Variants in GLIS1 observed in about 807,000 individuals in gnomAD.
GLIS1 encodes the protein zinc finger protein GLIS1.
Under a neutral mutation model 63.8 loss-of-function variants are expected in GLIS1, and 24 were observed. The observed-to-expected ratio is 0.38, with a 90% CI of 0.27 to 0.53. The LOEUF (loss-of-function observed/expected upper bound fraction) is 0.53, where lower values mean the gene tolerates loss of function less well. GLIS1 is among the 20% of genes least tolerant of loss of function. The pLI is 0.85. For synonymous variants in GLIS1, 450 were observed against 482.5 expected (o/e 0.93, Z 0.88); for missense variants, 1,036 against 1,074.1 (o/e 0.96, Z 0.50).
chr1:53,658,979 C>A (rs1237155878), intron 2 of GLIS1, among the ~76,000 whole-genome samples: 1 of 152,158 alleles, frequency 6.6e-6, no homozygotes, highest in Non-Finnish European at 1.5e-5. Flanking sequence ...GGTAGCAATG[C>A]CCTGGCCGCA....
chr1:53,632,062 C>A (rs369053876), intron 2 of GLIS1, among the ~76,000 whole-genome samples: 2 of 131,680 alleles, frequency 1.5e-5, no homozygotes, highest in East Asian at 2.4e-4. Context: ...AATGAGTGTG[C>A]GGGATGTGTG....
intron 4 of GLIS1, among the ~76,000 whole-genome samples, chr1:53,557,331 A>G (rs1259359622): frequency 6.6e-6 from 1 of 152,080 alleles, no homozygotes; most frequent in Admixed American, 6.5e-5. Context: ...TTTTGCAGAT[A>G]AAGAAACTGA....
At chr1:53,561,741 T>A (rs770368530) in intron 4 of GLIS1, among the ~76,000 whole-genome samples, 11 of 152,136 alleles carry the variant, frequency 7.2e-5, no homozygotes, top group Non-Finnish European at 1.3e-4. Flanking sequence ...TGGAGAGTCA[T>A]CCCGAGGTGT....
At position 53,511,501 on chromosome 1, in the gene GLIS1, G is replaced by A. The variant is rs1057348357; in HGVS notation, c.1884-1474C>T. Among the ~76,000 whole-genome samples the A allele has an allele frequency of 3.3e-5, 5 of 152,136 alleles. No homozygotes were observed. In the South Asian group the frequency reaches 6.2e-4, roughly 19 times the overall value. On this transcript the variant is annotated intron_variant, in intron 8 of 10. Transcript: ENST00000628545. This position sits in a 1 kb window ranked among gnomAD's most constrained non-coding sequence, Gnocchi z 4.2. ...CATCATCCACACGTGTGGGGCCCCC[G>A]TCACTGTGAGCTCGCTGAGGACAGG... is the stretch of plus-strand genomic sequence containing the variant.
chr1:53,705,282 G>A (rs1280107298), intron 2 of GLIS1, among the ~76,000 whole-genome samples: 1 of 152,178 alleles, frequency 6.6e-6, no homozygotes, highest in Non-Finnish European at 1.5e-5. Context: ...GATACAGCCA[G>A]AGGGTAACTT....
chr1:53,696,926 T>A (rs1449385250), intron 2 of GLIS1, among the ~76,000 whole-genome samples: 2 of 152,132 alleles, frequency 1.3e-5, no homozygotes, highest in African/African-American at 4.8e-5. Flanking sequence ...GCCACATGAG[T>A]CTGGGCACAG....
intron 7 of GLIS1, 47 bp downstream of exon 7, chr1:53,520,586 AG>A (rs1557428731): frequency 2.0e-6 from 3 of 1,536,142 alleles, no homozygotes; most frequent in East Asian, 4.7e-5. Flanking sequence ...GGGCAGAGAA[AG>A]GCCCCTCCTG....
chr1:53,594,019 A>G (rs1645220219), intron 4 of GLIS1, 89 bp downstream of exon 4: 1 of 1,408,450 alleles, frequency 7.1e-7, no homozygotes, highest in South Asian at 1.4e-5. Context: ...CAGAGGACGG[A>G]GTCCCAGGCG....
chr1:53,689,056 G>T (rs753739334), intron 2 of GLIS1, among the ~76,000 whole-genome samples: 6 of 152,224 alleles, frequency 3.9e-5, no homozygotes, highest in Non-Finnish European at 8.8e-5. Context: ...CTTTGTGGAT[G>T]GCTGAGCACA....
At chr1:53,516,031 C>T (rs1052575178) in intron 7 of GLIS1, among the ~76,000 whole-genome samples, 1 of 152,130 alleles carries the variant, frequency 6.6e-6, no homozygotes, top group African/African-American at 2.4e-5. Flanking sequence ...ATGCATCCAG[C>T]AGATGCCCTG....
intron 4 of GLIS1, among the ~76,000 whole-genome samples, chr1:53,537,188 G>A (rs555005237): frequency 6.6e-6 from 1 of 152,364 alleles, no homozygotes; most frequent in South Asian, 2.1e-4. Context: ...CTCAAGCTCT[G>A]GCTTGGGGAG....
intron 4 of GLIS1, among the ~76,000 whole-genome samples, chr1:53,543,615 G>A (rs988463045): frequency 6.6e-6 from 1 of 152,186 alleles, no homozygotes; most frequent in Admixed American, 6.5e-5. Context: ...ACAAACAAAG[G>A]ACTAAATGTT....
intron 1 of GLIS1, among the ~76,000 whole-genome samples, chr1:53,738,386 G>A (rs567967346): frequency 6.6e-6 from 1 of 152,250 alleles, no homozygotes; most frequent in African/African-American, 2.4e-5. Flanking sequence ...CTCCTCCACC[G>A]AAACCAGCCT....
intron 2 of GLIS1, among the ~76,000 whole-genome samples, chr1:53,687,215 C>G (rs775976164): frequency 6.6e-6 from 1 of 152,148 alleles, no homozygotes; most frequent in African/African-American, 2.4e-5. Flanking sequence ...TGGAAGGGGC[C>G]GCTTGCCTCT....
At chr1:53,607,700 G>A (rs1381407920) in intron 2 of GLIS1, among the ~76,000 whole-genome samples, 1 of 152,232 alleles carries the variant, frequency 6.6e-6, no homozygotes, top group Non-Finnish European at 1.5e-5. Context: ...TAGGGCAGCT[G>A]CAGCTGATGG....
chr1:53,727,848 G>A (rs1646820733), intron 2 of GLIS1, among the ~76,000 whole-genome samples: 1 of 152,192 alleles, frequency 6.6e-6, no homozygotes, highest in Non-Finnish European at 1.5e-5. Flanking sequence ...CTGCATGTGA[G>A]AACTCATGCA....
At chr1:53,687,659 G>A (rs1324282747) in intron 2 of GLIS1, among the ~76,000 whole-genome samples, 2 of 152,168 alleles carry the variant, frequency 1.3e-5, no homozygotes, top group African/African-American at 4.8e-5. Context: ...CCAGGTCAGA[G>A]CCCCCGCCGC....
intron 2 of GLIS1, among the ~76,000 whole-genome samples, chr1:53,676,190 G>T (rs1394973105): frequency 6.6e-6 from 1 of 151,804 alleles, no homozygotes; most frequent in East Asian, 1.9e-4. Context: ...AACAATTGGG[G>T]ATACCCCACC....
At chr1:53,509,599 A>C (rs1644276573) in intron 9 of GLIS1, among the ~76,000 whole-genome samples, 1 of 152,150 alleles carries the variant, frequency 6.6e-6, no homozygotes, top group Non-Finnish European at 1.5e-5. Flanking sequence ...GCCTCTCCTC[A>C]GGGCAGCGGG....
Sources: allele counts gnomAD v4.1 joint callset (sites outside exome capture counted in the v4.1 genomes callset), GRCh38; gene constraint gnomAD v4.1.1; non-coding constraint Gnocchi (gnomAD v3.1); transcripts MANE v1.5; gene names NCBI Gene and HGNC (gene_info 2026-07-23, HGNC 2026-07-21).